CSMD1: variants seen among roughly 807,000 people sequenced by gnomAD.
CSMD1 encodes CUB and sushi domain-containing protein 1.
In CSMD1, 213 loss-of-function variants were observed where a neutral mutation model predicts 417.5. The ratio of observed to expected loss-of-function variants is 0.51; its 90% CI spans 0.46 to 0.57. The LOEUF (loss-of-function observed/expected upper bound fraction) is 0.57, where lower values mean the gene tolerates loss of function less well. CSMD1 is among the 20% of genes least tolerant of loss of function. The probability of loss-of-function intolerance (pLI) is 0.00; values close to 1 mark genes in which losing one functional copy is unlikely to be tolerated. For missense variants in CSMD1, 6,923 were observed against 4,529.7 expected (o/e 1.53, Z -15.17); for synonymous variants, 2,862 against 1,736.8 (o/e 1.65, Z -16.11).
chr8:4,104,180 A>G (rs1472829681), intron 3 of CSMD1, among the ~76,000 whole-genome samples: 1 of 152,222 alleles, frequency 6.6e-6, no homozygotes, highest in Non-Finnish European at 1.5e-5. Context: ...ACTGGAATTT[A>G]GTTCATTCTC....
chr8:3,665,733 G>C (rs1472837456), intron 7 of CSMD1, among the ~76,000 whole-genome samples: 3 of 149,906 alleles, frequency 2.0e-5, no homozygotes, highest in East Asian at 3.9e-4. Flanking sequence ...ATGAATTAAA[G>C]TCATTAAAAT....
At chr8:3,023,701 T>C (rs1050887942) in intron 51 of CSMD1, among the ~76,000 whole-genome samples, 13 of 152,140 alleles carry the variant, frequency 8.5e-5, no homozygotes, top group African/African-American at 2.7e-4. Flanking sequence ...ATGTGATTAA[T>C]AGGTGATCAA....
At chr8:4,688,430 G>A (rs746016508) in intron 1 of CSMD1, among the ~76,000 whole-genome samples, 3 of 152,048 alleles carry the variant, frequency 2.0e-5, no homozygotes, top group African/African-American at 4.8e-5. Flanking sequence ...AACCAAGAAG[G>A]GTGAGCCATC....
intron 1 of CSMD1, among the ~76,000 whole-genome samples, chr8:4,963,044 T>C (rs1183776348): frequency 1.3e-5 from 2 of 152,096 alleles, no homozygotes; most frequent in African/African-American, 2.4e-5. Context: ...ACCTTACTCC[T>C]GCATGGAACT....
intron 23 of CSMD1, among the ~76,000 whole-genome samples, chr8:3,312,385 T>C (rs1290093017): frequency 6.6e-6 from 1 of 152,192 alleles, no homozygotes; most frequent in Non-Finnish European, 1.5e-5. Flanking sequence ...TCATTAAATT[T>C]ATTATCTTGT....
In CSMD1 at chr8:4,004,143, G is replaced by C. The variant is rs150369011; in HGVS notation, c.611-6033C>G. Reference sequence around the variant, plus strand: ...ATGTATATTTCAAGTTAACTATAAAGACTAAGAAATATAAACATTTTAATA... The same window carrying C: ...ATGTATATTTCAAGTTAACTATAAACACTAAGAAATATAAACATTTTAATA... On this transcript the variant is annotated intron_variant, in intron 4 of 69. Coordinates refer to ENST00000635120, the MANE Select transcript of CSMD1 (RefSeq NM_033225.6). 2.7e-3 allele frequency among the ~76,000 whole-genome samples: 412 copies of C among 152,096 alleles called. 3 individuals are homozygous for C. Among genetic ancestry groups the C allele is most frequent in the African/African-American group, 9.5e-3 (392 of 41,478 alleles).
chr8:4,237,249 G>T (rs1029027017), intron 3 of CSMD1, among the ~76,000 whole-genome samples: 3 of 152,128 alleles, frequency 2.0e-5, no homozygotes, highest in Admixed American at 6.5e-5. Flanking sequence ...CCTGCCCTTT[G>T]GTCCTGAAGA....
chr8:3,861,737 A>AT (rs1804723913), intron 5 of CSMD1, among the ~76,000 whole-genome samples: 1 of 152,102 alleles, frequency 6.6e-6, no homozygotes, highest in African/African-American at 2.4e-5. Context: ...TGCTATAAAG[A>AT]TTTTACCAAA....
At chr8:3,111,796 C>A (rs1816535483) in intron 42 of CSMD1, among the ~76,000 whole-genome samples, 1 of 151,996 alleles carries the variant, frequency 6.6e-6, no homozygotes, top group Non-Finnish European at 1.5e-5. Context: ...TGTGCCATTG[C>A]ACTCCAGCAT....
intron 25 of CSMD1, among the ~76,000 whole-genome samples, chr8:3,293,712 C>G (rs542090020): frequency 1.3e-5 from 2 of 152,102 alleles, no homozygotes; most frequent in East Asian, 1.9e-4. Flanking sequence ...ATTGGTTATT[C>G]TAGTTAGCCA....
chr8:4,662,305 G>C (rs1048814446), intron 1 of CSMD1, among the ~76,000 whole-genome samples: 3 of 152,056 alleles, frequency 2.0e-5, no homozygotes, highest in African/African-American at 7.2e-5. Flanking sequence ...AAGTAACTGA[G>C]TAATGAATTA....
chr8:4,441,888 C>G (rs925735667), intron 2 of CSMD1, among the ~76,000 whole-genome samples: 3 of 152,136 alleles, frequency 2.0e-5, no homozygotes, highest in Non-Finnish European at 4.4e-5. Flanking sequence ...AAGTATGCTG[C>G]TACAATTTTA....
At chr8:3,760,543 C>G (rs80122886) in intron 5 of CSMD1, among the ~76,000 whole-genome samples, 1 of 152,136 alleles carries the variant, frequency 6.6e-6, no homozygotes, top group Admixed American at 6.5e-5. Context: ...CACTTTTCTC[C>G]GATGGGATAT....
At chr8:4,511,888 G>C (rs934090986) in intron 2 of CSMD1, among the ~76,000 whole-genome samples, 1 of 152,084 alleles carries the variant, frequency 6.6e-6, no homozygotes, top group Non-Finnish European at 1.5e-5. Flanking sequence ...CTTCCAGCTT[G>C]GGGAGGGGAA....
intron 6 of CSMD1, among the ~76,000 whole-genome samples, chr8:3,729,622 A>G (rs1241497377): frequency 6.6e-6 from 1 of 152,040 alleles, no homozygotes; most frequent in East Asian, 1.9e-4. Context: ...CTTAGTGTGG[A>G]AAGACGGTGA....
chr8:3,324,438 G>T (rs908597641), intron 23 of CSMD1, among the ~76,000 whole-genome samples: 1 of 142,476 alleles, frequency 7.0e-6, no homozygotes. Flanking sequence ...CTAATCCTCA[G>T]AGACCCAGGA....
intron 22 of CSMD1, among the ~76,000 whole-genome samples, chr8:3,345,882 T>G (rs1807956996): frequency 6.6e-6 from 1 of 152,180 alleles, no homozygotes; most frequent in South Asian, 2.1e-4. Context: ...TTAATTGCGT[T>G]TTCCATTCTA....
intron 5 of CSMD1, among the ~76,000 whole-genome samples, chr8:3,937,029 A>C (rs940874600): frequency 5.9e-5 from 9 of 152,196 alleles, no homozygotes; most frequent in African/African-American, 2.2e-4. Flanking sequence ...CAGTGGAGGA[A>C]GTAACTTCAG....
intron 1 of CSMD1, among the ~76,000 whole-genome samples, chr8:4,781,548 T>C (rs1797153215): frequency 6.6e-6 from 1 of 152,222 alleles, no homozygotes; most frequent in Non-Finnish European, 1.5e-5. Context: ...GCCAATAGGA[T>C]AATAAAAGTT....
Sources: allele counts gnomAD v4.1 joint callset (sites outside exome capture counted in the v4.1 genomes callset), GRCh38; gene constraint gnomAD v4.1.1; transcripts MANE v1.5; gene names NCBI Gene and HGNC (gene_info 2026-07-23, HGNC 2026-07-21).